The following IQCJ variants were observed in gnomAD, a reference collection of about 807,000 sequenced individuals.
IQCJ encodes IQ domain-containing protein J.
IQCJ carries 9 observed loss-of-function variants against 11.0 expected under a neutral mutation model. The observed-to-expected ratio is 0.82, with a 90% CI of 0.49 to 1.43. The LOEUF (loss-of-function observed/expected upper bound fraction) is 1.43. IQCJ is among the 40% of genes most tolerant of loss of function. The pLI, the probability that IQCJ is intolerant of heterozygous loss-of-function variation, is 0.00. For synonymous variants in IQCJ, 55 were observed against 51.3 expected (o/e 1.07, Z -0.31); for missense variants, 146 against 133.2 (o/e 1.10, Z -0.47).
At chr3:159,254,968 C>A (rs907038838) in intron 3 of IQCJ, among the ~76,000 whole-genome samples, 3 of 152,222 alleles carry the variant, frequency 2.0e-5, no homozygotes, top group Admixed American at 1.3e-4. Flanking sequence ...GGGGCTTTGC[C>A]CCATGATGCA....
chr3:159,153,655 T>C (rs1721353656), intron 1 of IQCJ, among the ~76,000 whole-genome samples: 1 of 152,216 alleles, frequency 6.6e-6, no homozygotes, highest in African/African-American at 2.4e-5. Context: ...CTGATTTTCA[T>C]GAAGATTAAG....
chr3:159,204,940 G>A (rs1724560697), intron 1 of IQCJ, among the ~76,000 whole-genome samples: 1 of 152,188 alleles, frequency 6.6e-6, no homozygotes, highest in East Asian at 1.9e-4. Flanking sequence ...GTCCTGCTAT[G>A]GATGTCAGAT....
intron 1 of IQCJ, among the ~76,000 whole-genome samples, chr3:159,204,215 C>A (rs1429780031): frequency 6.6e-6 from 1 of 152,198 alleles, no homozygotes. Context: ...CACTGGAAAA[C>A]TGGGCAGGGC....
intron 1 of IQCJ, among the ~76,000 whole-genome samples, chr3:159,207,074 G>C (rs76459645): frequency 0.023 from 3,469 of 152,084 alleles, 137 homozygotes; most frequent in African/African-American, 0.079. Flanking sequence ...TAAGATTCTG[G>C]GGTATTATTA....
At chr3:159,109,963 T>C (rs929336327) in intron 1 of IQCJ, among the ~76,000 whole-genome samples, 1 of 152,190 alleles carries the variant, frequency 6.6e-6, no homozygotes, top group Non-Finnish European at 1.5e-5. Flanking sequence ...TTTTGTGACA[T>C]TGGAGGTTTT....
intron 1 of IQCJ, among the ~76,000 whole-genome samples, chr3:159,091,272 A>G (rs1479505618): frequency 6.6e-6 from 1 of 151,818 alleles, no homozygotes; most frequent in Non-Finnish European, 1.5e-5. Flanking sequence ...TGCCGTATTA[A>G]CAACAAAAAT....
chr3:159,093,241 T>A (rs1717467520), intron 1 of IQCJ, among the ~76,000 whole-genome samples: 1 of 151,794 alleles, frequency 6.6e-6, no homozygotes, highest in Non-Finnish European at 1.5e-5. Flanking sequence ...CTCGTGACAA[T>A]TTGGCAAGAA....
chr3:159,171,913 A>T (rs1284797615), intron 1 of IQCJ, among the ~76,000 whole-genome samples: 2 of 152,210 alleles, frequency 1.3e-5, no homozygotes, highest in Admixed American at 6.5e-5. Flanking sequence ...TTCTGGTCCA[A>T]GGACAACATT....
chr3:159,147,377 C>T (rs1720977748), intron 1 of IQCJ, among the ~76,000 whole-genome samples: 1 of 152,208 alleles, frequency 6.6e-6, no homozygotes. Flanking sequence ...CTTTGCTTCT[C>T]CTCTTCCTCA....
chr3:159,079,362 T>C (rs1467992926), intron 1 of IQCJ, among the ~76,000 whole-genome samples: 1 of 152,076 alleles, frequency 6.6e-6, no homozygotes, highest in African/African-American at 2.4e-5. Flanking sequence ...AAATTCAACT[T>C]TAAAAATCAG....
chr3:159,129,919 G>A (rs1255828923), intron 1 of IQCJ, among the ~76,000 whole-genome samples: 2 of 152,036 alleles, frequency 1.3e-5, no homozygotes, highest in African/African-American at 2.4e-5. Flanking sequence ...ACATGCACTT[G>A]TGTGTGTGTG....
At chr3:159,230,777 T>A (rs1052282808) in intron 1 of IQCJ, among the ~76,000 whole-genome samples, 1 of 152,232 alleles carries the variant, frequency 6.6e-6, no homozygotes, top group African/African-American at 2.4e-5. Context: ...CATATTAATT[T>A]AAAAATTACA....
intron 3 of IQCJ, among the ~76,000 whole-genome samples, chr3:159,258,605 C>G (rs1212179434): frequency 6.6e-6 from 1 of 152,198 alleles, no homozygotes; most frequent in East Asian, 1.9e-4. Context: ...CCAAGATACT[C>G]AGATTCAATG....
chr3:159,084,616 A>G (rs1716576199), intron 1 of IQCJ, among the ~76,000 whole-genome samples: 1 of 152,134 alleles, frequency 6.6e-6, no homozygotes, highest in African/African-American at 2.4e-5. Flanking sequence ...ACCAAAGCCT[A>G]GAAGGGTTAA....
chr3:159,228,528 C>G lies in IQCJ; in HGVS notation c.10-17315C>G, dbSNP rs530723482. ...TGGCCTGGCCGGGCGCGGTGGCTCA[C>G]GCCTGTAATCCTAGCACTTTGGGAG... On this transcript the variant is annotated intron_variant, in intron 1 of 3. Coordinates refer to ENST00000397832, the MANE Select transcript of IQCJ (RefSeq NM_001042706.3). Among the ~76,000 whole-genome samples, 11 of 152,074 alleles carry G rather than the reference C, an allele frequency of 7.2e-5. No homozygotes were observed. In the East Asian group the frequency reaches 1.2e-3, roughly 16 times the overall value.
chr3:159,253,909 T>C (rs1245448977), intron 3 of IQCJ, among the ~76,000 whole-genome samples: 1 of 152,202 alleles, frequency 6.6e-6, no homozygotes, highest in Non-Finnish European at 1.5e-5. Flanking sequence ...TGTAAATCTA[T>C]GTTAACCTTG....
intron 1 of IQCJ, among the ~76,000 whole-genome samples, chr3:159,185,326 A>T (rs1723315363): frequency 6.6e-6 from 1 of 152,106 alleles, no homozygotes; most frequent in Non-Finnish European, 1.5e-5. Context: ...ACACTCTTTG[A>T]ATCCTAGCTG....
chr3:159,173,927 A>G (rs556370929), intron 1 of IQCJ, among the ~76,000 whole-genome samples: 6 of 152,224 alleles, frequency 3.9e-5, no homozygotes, highest in Admixed American at 2.6e-4. Context: ...TCTATTAGAC[A>G]TATCTGGAAA....
intron 1 of IQCJ, among the ~76,000 whole-genome samples, chr3:159,131,133 A>G (rs529285919): frequency 1.3e-5 from 2 of 152,330 alleles, no homozygotes; most frequent in African/African-American, 2.4e-5. Context: ...ACCTGGAGGT[A>G]GAAGTCCTGG....
Sources: allele counts gnomAD v4.1 joint callset (sites outside exome capture counted in the v4.1 genomes callset), GRCh38; gene constraint gnomAD v4.1.1; transcripts MANE v1.5; gene names NCBI Gene and HGNC (gene_info 2026-07-23, HGNC 2026-07-21).